The following CLUL1 variants were observed in gnomAD, a reference collection of about 807,000 sequenced individuals.
CLUL1 encodes the protein clusterin like 1, also known as clusterin-like protein 1.
Under a neutral mutation model 49.4 loss-of-function variants are expected in CLUL1, and 43 were observed. The ratio of observed to expected loss-of-function variants is 0.87; its 90% CI spans 0.68 to 1.12. CLUL1 has a LOEUF of 1.12. Among genes scored for constraint, CLUL1 ranks in the 50% most tolerant of loss-of-function variants. The pLI is 0.00. For synonymous variants in CLUL1, 192 were observed against 184.9 expected (o/e 1.04, Z -0.31); for missense variants, 486 against 544.4 (o/e 0.89, Z 1.07).
At chr18:615,159 G>A (rs916994829) in intron 2 of CLUL1, among the ~76,000 whole-genome samples, 3 of 152,116 alleles carry the variant, frequency 2.0e-5, no homozygotes, top group African/African-American at 7.2e-5. Flanking sequence ...TGAGCATAAT[G>A]ATGTCATAAT....
chr18:619,300 G>T lies in CLUL1; in HGVS notation c.194G>T (p.Arg65Ile). ...AAGCAAATGAAAATCATGATGGAAAGAAAAGAGAAGGAACACACCAATCTA... is the reference window on the plus strand; with the variant it reads ...AAGCAAATGAAAATCATGATGGAAATAAAAGAGAAGGAACACACCAATCTA... ...GIKQMKIMME[R>I]KEKEHTNLMS... is the part of the protein sequence containing the mutation. The change falls in exon 4 of 10, where the codon AGA becomes ATA. Residue 65 changes from arginine to isoleucine, a missense_variant. Arg to Ile is a moderately conservative substitution (Grantham distance 97). Coordinates refer to ENST00000692774, the MANE Select transcript of CLUL1 (RefSeq NM_001393344.1). 7 of 1,614,008 alleles carry T rather than the reference G, an allele frequency of 4.3e-6. No individual in the cohort carries two copies. Among genetic ancestry groups the T allele is most frequent in the Non-Finnish European group, 5.9e-6 (7 of 1,179,950 alleles).
chr18:641,275 C>A, intron 7 of CLUL1, 52 bp from the exon 8 acceptor site: 2 of 1,537,114 alleles, frequency 1.3e-6, no homozygotes, highest in East Asian at 2.3e-5. Context: ...TGTTGCCCAC[C>A]TCCAAGTTTC....
Position 633,379 on chromosome 18 carries a change from C to T in CLUL1, c.938C>T (p.Ser313Leu). The change falls in exon 7 of 10, where the codon TCA (serine) becomes TTA (leucine). Residue 313 changes from serine to leucine, a missense_variant. Physicochemically the swap from Ser to Leu is moderately radical, Grantham distance 145. Transcript: ENST00000692774. Reference sequence around the variant, plus strand: ...TGTGGGGAACTTGACCAGAATTTGTCAAGATGTTTCAAATTTCATGAAAAA... The same window carrying T: ...TGTGGGGAACTTGACCAGAATTTGTTAAGATGTTTCAAATTTCATGAAAAA... ...GLCGELDQNL[S>L]RCFKFHEKCQ... 5 of 1,613,690 alleles carry T rather than the reference C, an allele frequency of 3.1e-6. No individual in the cohort carries two copies. The highest frequency in any genetic ancestry group is 3.4e-6 in the Non-Finnish European group (4 of 1,179,652).
chr18:645,737 T>A (rs1163064787), intron 9 of CLUL1, among the ~76,000 whole-genome samples: 4 of 133,920 alleles, frequency 3.0e-5, no homozygotes, highest in Admixed American at 8.5e-5. Flanking sequence ...GAGCTTGCAG[T>A]GAGCAGAGAT....
chr18:649,663 A>G (rs998701707), intron 9 of CLUL1: 1 of 445,472 alleles, frequency 2.2e-6, no homozygotes, highest in African/African-American at 2.0e-5. Context: ...AGAGGAAAAG[A>G]CCATCTTAGA....
chr18:629,384 A>G (rs1199508904), intron 6 of CLUL1, among the ~76,000 whole-genome samples: 1 of 152,212 alleles, frequency 6.6e-6, no homozygotes, highest in Non-Finnish European at 1.5e-5. Flanking sequence ...ATTAGAACAA[A>G]AGGGCTCCTC....
intron 1 of CLUL1, chr18:598,472 G>A: frequency 2.5e-6 from 1 of 398,400 alleles, no homozygotes; most frequent in Non-Finnish European, 4.4e-6. Flanking sequence ...TCTCAAGGCT[G>A]CCTGAGTTCC....
At chr18:620,942 A>T (rs2073472888) in intron 4 of CLUL1, among the ~76,000 whole-genome samples, 1 of 152,210 alleles carries the variant, frequency 6.6e-6, no homozygotes, top group African/African-American at 2.4e-5. Context: ...TAATTTGGAA[A>T]ATATTTTCAA....
chr18:637,154 A>T (rs1014306863), intron 7 of CLUL1, among the ~76,000 whole-genome samples: 1 of 150,814 alleles, frequency 6.6e-6, no homozygotes, highest in African/African-American at 2.4e-5. Flanking sequence ...GCCCGGCTAA[A>T]TTTTTGTATT....
At chr18:626,422 G>T (rs963350241) in intron 5 of CLUL1, among the ~76,000 whole-genome samples, 3 of 152,104 alleles carry the variant, frequency 2.0e-5, no homozygotes, top group African/African-American at 7.2e-5. Context: ...AGAAATTTCA[G>T]ATCCTGTTTC....
chr18:611,470 G>A (rs963856442), intron 2 of CLUL1, among the ~76,000 whole-genome samples: 9 of 152,006 alleles, frequency 5.9e-5, no homozygotes, highest in Non-Finnish European at 1.3e-4. Flanking sequence ...AGGCTGAGGC[G>A]GGAGGATCAC....
chr18:601,579 G>A (rs191774076), intron 1 of CLUL1, among the ~76,000 whole-genome samples: 40 of 152,032 alleles, frequency 2.6e-4, no homozygotes, highest in Admixed American at 2.0e-3. Flanking sequence ...CCAGGGAGTC[G>A]GAGGTTGCAG....
Position 619,246 on chromosome 18 carries a change from A to T in CLUL1, c.140A>T (p.Glu47Val). 1 of 1,614,036 alleles carries T rather than the reference A, an allele frequency of 6.2e-7. No homozygotes were observed. The highest frequency in any genetic ancestry group is 8.5e-7 in the Non-Finnish European group (1 of 1,179,968). Residue 47 changes from glutamate (E) to valine (V), a missense_variant, in exon 4 of 10, where the codon GAA (glutamate) becomes GTA (valine). Coordinates refer to ENST00000692774, the MANE Select transcript of CLUL1 (RefSeq NM_001393344.1). ...GAGGTGGGGGAGATAGATGCAGATG[A>T]AGAGGTGAAGAAGGCTTTGACTGGT... ...FSEVGEIDADEEVKKALTGIK... is the reference protein window; with the variant it reads ...FSEVGEIDADVEVKKALTGIK...
rs150054152 is a variant in CLUL1, at chr18:603,191, G to A, written c.-135-3787G>A. Among the ~76,000 whole-genome samples the A allele has an allele frequency of 2.0e-5, 3 of 152,308 alleles. No individual in the cohort carries two copies. In the East Asian group the frequency reaches 5.8e-4, roughly 29 times the overall value. On this transcript the variant is annotated intron_variant, in intron 1 of 9. Coordinates refer to ENST00000692774, the MANE Select transcript of CLUL1 (RefSeq NM_001393344.1). The stretch of plus-strand genomic sequence containing the variant: ...ACTGGCATCAGCTGGGAACTTGTTA[G>A]AAATGCAGAATCCCAAGTCCCCGAG...
At chr18:598,311 A>T in intron 1 of CLUL1, 1 of 376,832 alleles carries the variant, frequency 2.7e-6, no homozygotes, top group East Asian at 3.8e-5. Context: ...ACTTTGCGTG[A>T]CCTTGAAGAA....
chr18:620,380 A>G lies in CLUL1; in HGVS notation c.255+1019A>G, dbSNP rs142206326. Among the ~76,000 whole-genome samples the G allele has an allele frequency of 5.8e-4, 88 of 151,800 alleles. 2 individuals carry two copies. The East Asian group carries it at 0.016, about 27-fold the overall frequency. ...ATCTGCCAAGTTTTTTTTTTTTTCA[A>G]GAATCTTGTTAAGCCTCCTGTCCAT... On this transcript the variant is annotated intron_variant, in intron 4 of 9. Transcript: ENST00000692774.
At chr18:635,998 G>A (rs2074127090) in intron 7 of CLUL1, among the ~76,000 whole-genome samples, 1 of 152,052 alleles carries the variant, frequency 6.6e-6, no homozygotes, top group Non-Finnish European at 1.5e-5. Context: ...GCCTCCCAAA[G>A]CGCTGGGATT....
At chr18:601,831 T>A (rs2072840457) in intron 1 of CLUL1, among the ~76,000 whole-genome samples, 1 of 151,878 alleles carries the variant, frequency 6.6e-6, no homozygotes, top group Admixed American at 6.6e-5. Flanking sequence ...TAATAAAAAA[T>A]AAATAAATAC....
At chr18:601,996 G>A (rs192947839) in intron 1 of CLUL1, among the ~76,000 whole-genome samples, 3 of 152,192 alleles carry the variant, frequency 2.0e-5, no homozygotes, top group Non-Finnish European at 4.4e-5. Context: ...TGAGGTGGGA[G>A]GACCACTTGA....
Sources: gnomAD v4.1 joint callset for allele counts (sites outside exome capture counted in the v4.1 genomes callset) on GRCh38, gnomAD v4.1.1 for gene constraint, MANE v1.5 for transcripts, NCBI Gene and HGNC (gene_info 2026-07-23, HGNC 2026-07-21) for gene names.